Variants in KICS2 observed in about 807,000 individuals in gnomAD.
KICS2 encodes the protein KICSTOR subunit 2.
In KICS2, 13 loss-of-function variants were observed where a neutral mutation model predicts 31.4. That is an observed-to-expected ratio of 0.41 (90% CI 0.27 to 0.66). KICS2 has a LOEUF of 0.66. KICS2 is among the 30% of genes least tolerant of loss of function. The pLI is 0.28. For missense variants in KICS2, 455 were observed against 545.4 expected (o/e 0.83, Z 1.65); for synonymous variants, 209 against 214.8 (o/e 0.97, Z 0.24).
intron 2 of KICS2, among the ~76,000 whole-genome samples, chr12:64,201,619 G>GAAAA (rs142477212): frequency 8.5e-6 from 1 of 117,624 alleles, no homozygotes; most frequent in African/African-American, 3.3e-5. Flanking sequence ...AAAAAAAAAA[G>GAAAA]AAAAAAAAAA....
intron 2 of KICS2, among the ~76,000 whole-genome samples, chr12:64,195,800 G>T (rs1281537531): frequency 6.6e-6 from 1 of 152,270 alleles, no homozygotes; most frequent in Admixed American, 6.5e-5. Context: ...AAGCGCAAGG[G>T]GTCAGGGAGT....
chr12:64,215,931 T>C lies in KICS2; in HGVS notation c.268A>G (p.Ile90Val), dbSNP rs1449095914. ...GQSFFSRKDS[I>V]RTIYTSLHNE... ...TGCAATGAAGTATAGATGGTGCGGA[T>C]GGAATCCTTCCTGCTGAAGAAAGAC... Residue 90 changes from isoleucine to valine, a missense_variant, in exon 2 of 3, where the codon ATC becomes GTC. By Grantham distance (29) the Ile-to-Val change is conservative (BLOSUM62 3). Transcript: ENST00000398055. 1.2e-6 allele frequency: 2 copies of C among 1,613,470 alleles called. No individual in the cohort carries two copies. The highest frequency in any genetic ancestry group is 2.2e-5 in the East Asian group (1 of 44,856).
chr12:64,211,569 A>G (rs1406328327), intron 2 of KICS2, among the ~76,000 whole-genome samples: 1 of 152,166 alleles, frequency 6.6e-6, no homozygotes, highest in Non-Finnish European at 1.5e-5. Flanking sequence ...CGGTGAGCCA[A>G]GATCACGCCA....
At chr12:64,207,502 G>A (rs1435734145) in intron 2 of KICS2, among the ~76,000 whole-genome samples, 5 of 152,052 alleles carry the variant, frequency 3.3e-5, no homozygotes, top group Non-Finnish European at 7.3e-5. Flanking sequence ...CCTACCCATG[G>A]AATATGGACT....
At chr12:64,207,601 G>C (rs1789677428) in intron 2 of KICS2, among the ~76,000 whole-genome samples, 1 of 152,144 alleles carries the variant, frequency 6.6e-6, no homozygotes, top group South Asian at 2.1e-4. Context: ...TCATACTTTT[G>C]CACTTTGGAC....
Position 64,202,256 on chromosome 12 carries a change from A to G in KICS2, c.522-7598T>C, listed in dbSNP as rs188641586. ...CTCCATCTCTACAAAACATTCAAAA[A>G]TTAGTCAAGTGTGGTGGTGTGCACC... On this transcript the variant is annotated intron_variant, in intron 2 of 2. Transcript: ENST00000398055. 7.9e-3 allele frequency among the ~76,000 whole-genome samples: 1,208 copies of G among 152,226 alleles called. 18 individuals carry two copies. The highest frequency in any genetic ancestry group is 0.026 in the African/African-American group (1,094 of 41,534).
chr12:64,187,605 A>T (rs2037348276), downstream of KICS2: 2 of 1,532,994 alleles, frequency 1.3e-6, no homozygotes, highest in Admixed American at 3.9e-5. Context: ...AGCAGCTTAG[A>T]ATAATTCAGG....
In KICS2 at chr12:64,192,259, G is replaced by C. The variant is rs1276065522; in HGVS notation, c.*1583C>G. On this transcript the variant is annotated 3_prime_UTR_variant, in exon 3 of 3. Coordinates refer to ENST00000398055, the MANE Select transcript of KICS2 (RefSeq NM_152440.5). ...CCTGCCTCAGCCTCCAGAGTAACTG[G>C]GATTACAGTCACCCGTCACTACAAC... 1 of 151,974 alleles carries C rather than the reference G, an allele frequency of 6.6e-6. No individual in the cohort carries two copies. Among genetic ancestry groups the C allele is most frequent in the Non-Finnish European group, 1.5e-5 (1 of 68,180 alleles). The allele number at this position is 151,974 out of a possible 1,614,324, so 9.4% of individuals were successfully genotyped here.
downstream of KICS2, chr12:64,187,485 T>C (rs2037347177): frequency 2.8e-6 from 2 of 710,740 alleles, no homozygotes; most frequent in East Asian, 2.8e-5. Flanking sequence ...TGAAAAAATA[T>C]GCAGACAAGG....
chr12:64,189,566 CAG>C (rs2037363622), downstream of KICS2, among the ~76,000 whole-genome samples: 1 of 152,122 alleles, frequency 6.6e-6, no homozygotes, highest in Admixed American at 6.6e-5. Context: ...CATCAAAAGG[CAG>C]AGATTGTTGT....
rs2037382285 is a variant in KICS2 at position 64,191,977 on chromosome 12, T to G, written c.*1865A>C. Reference sequence around the variant, plus strand: ...GGGAGGATCACTTGAGCCCAGGAGGTTGAGGCTGCAGTGAGTTGTGATTGT... The same window carrying G: ...GGGAGGATCACTTGAGCCCAGGAGGGTGAGGCTGCAGTGAGTTGTGATTGT... On this transcript the variant is annotated 3_prime_UTR_variant, in exon 3 of 3. Coordinates refer to ENST00000398055, the MANE Select transcript of KICS2 (RefSeq NM_152440.5). The G allele has an allele frequency of 6.7e-6, 1 of 148,342 alleles. No homozygotes were observed. The highest frequency in any genetic ancestry group is 2.1e-4 in the South Asian group (1 of 4,678). 9.2% of individuals were successfully genotyped at this position (148,342 alleles called of 1,614,324 possible).
chr12:64,203,207 T>C (rs1483217055), intron 2 of KICS2, among the ~76,000 whole-genome samples: 1 of 152,192 alleles, frequency 6.6e-6, no homozygotes, highest in Non-Finnish European at 1.5e-5. Flanking sequence ...ACCAACTATG[T>C]AAAGATATGA....
downstream of KICS2, chr12:64,187,441 A>G: frequency 1.7e-6 from 1 of 592,880 alleles, no homozygotes; most frequent in South Asian, 2.3e-5. Context: ...AATTTGAAGT[A>G]CCCTAGAAAC....
Position 64,194,607 on chromosome 12 carries a change from A to G in KICS2, c.573T>C (p.Val191=). The G allele has an allele frequency of 6.2e-7, 1 of 1,614,154 alleles. No individual in the cohort carries two copies. The highest frequency in any genetic ancestry group is 8.5e-7 in the Non-Finnish European group (1 of 1,180,028). ...SPLESSFQLE[V]DVLCHLLKAQ... is the part of the protein sequence containing the mutation. ...CTTTCAGGAGATGACACAGGACGTC[A>G]ACTTCCAGCTGGAAACTGCTTTCCA... The change falls in exon 3 of 3, where the codon GTT becomes GTC. Residue 191 remains valine (V), a synonymous_variant. Coordinates refer to ENST00000398055, the MANE Select transcript of KICS2 (RefSeq NM_152440.5).
Position 64,194,073 on chromosome 12 carries a change from C to A in KICS2, c.1107G>T (p.Thr369=). The stretch of plus-strand genomic sequence containing the variant: ...AGCTGTTCAGATCAGATGTGCGGTC[C>A]GTCATGATCATGATGACATTGGGCC... ...MHWPNVIMIM[T]DRTSDLNSLE... The change falls in exon 3 of 3, where the codon ACG becomes ACT. Residue 369 remains threonine (T), a synonymous_variant. Transcript: ENST00000398055. 1 of 1,614,094 alleles carries A rather than the reference C, an allele frequency of 6.2e-7. No homozygotes were observed. Among genetic ancestry groups the A allele is most frequent in the African/African-American group, 1.3e-5 (1 of 75,004 alleles).
In KICS2 at chr12:64,213,077, G is replaced by A. The variant is rs144790022; in HGVS notation, c.521+2601C>T. Among the ~76,000 whole-genome samples, 104 of 139,512 alleles carry A rather than the reference G, an allele frequency of 7.5e-4. 1 individual carries two copies. The highest frequency in any genetic ancestry group is 2.6e-3 in the African/African-American group (96 of 36,690). The allele number at this position is 139,512 out of a possible 152,430, so 91.5% of individuals were successfully genotyped here. A position where few individuals can be genotyped will look rare whatever the true frequency, so the allele number is the denominator to read the frequency against. ...TGCACTCCCGCCTGGGCAACAGAGC[G>A]AGACAAACTCAAAAAAAAAAAAAAA... On this transcript the variant is annotated intron_variant, in intron 2 of 2. Coordinates refer to ENST00000398055, the MANE Select transcript of KICS2 (RefSeq NM_152440.5).
intron 2 of KICS2, among the ~76,000 whole-genome samples, chr12:64,210,493 T>C (rs561846850): frequency 1.3e-5 from 2 of 152,210 alleles, no homozygotes; most frequent in South Asian, 2.1e-4. Context: ...GGCTTACACC[T>C]GTAATCCCAG....
At chr12:64,211,040 C>G (rs1384975157) in intron 2 of KICS2, among the ~76,000 whole-genome samples, 1 of 152,024 alleles carries the variant, frequency 6.6e-6, no homozygotes, top group African/African-American at 2.4e-5. Flanking sequence ...GGAGGAAGGG[C>G]TCAGGGATGG....
intron 2 of KICS2, among the ~76,000 whole-genome samples, chr12:64,214,449 C>T (rs1459433760): frequency 1.3e-5 from 2 of 152,200 alleles, no homozygotes; most frequent in Non-Finnish European, 2.9e-5. Context: ...AAGATAACTA[C>T]AGTAAGAACT....
Sources: gnomAD v4.1 joint callset for allele counts (sites outside exome capture counted in the v4.1 genomes callset) on GRCh38, gnomAD v4.1.1 for gene constraint, MANE v1.5 for transcripts, NCBI Gene and HGNC (gene_info 2026-07-23, HGNC 2026-07-21) for gene names.